The following JAM3 variants were observed in gnomAD, a reference collection of about 807,000 sequenced individuals.
The protein encoded by JAM3 is junctional adhesion molecule C.
In JAM3, 31 loss-of-function variants were observed where a neutral mutation model predicts 39.4. The ratio of observed to expected loss-of-function variants is 0.79; its 90% CI spans 0.59 to 1.06. The LOEUF (loss-of-function observed/expected upper bound fraction) is 1.06. Among genes scored for constraint, JAM3 ranks in the 50% least tolerant of loss-of-function variants. JAM3 has a pLI of 0.00. For missense variants in JAM3, 455 were observed against 391.4 expected, an observed-to-expected ratio of 1.16 and a Z score of -1.37; for synonymous variants, 182 against 148.7, an observed-to-expected ratio of 1.22 and a Z score of -1.63.
intron 1 of JAM3, 37 bp from the exon 2 acceptor site, chr11:134,139,814 T>TAC: frequency 6.5e-7 from 1 of 1,550,152 alleles, no homozygotes; most frequent in Non-Finnish European, 8.9e-7. Flanking sequence ...CCGTTTGAGA[T>TAC]ACATTGTCTC....
At chr11:134,079,554 C>T (rs1025091494) in intron 1 of JAM3, among the ~76,000 whole-genome samples, 2 of 152,064 alleles carry the variant, frequency 1.3e-5, no homozygotes, top group Admixed American at 6.6e-5. Flanking sequence ...AGCACTGTAT[C>T]GTGGGTGTTA....
intron 1 of JAM3, among the ~76,000 whole-genome samples, chr11:134,085,893 G>A (rs533640483): frequency 1.6e-4 from 25 of 152,292 alleles, no homozygotes; most frequent in African/African-American, 5.8e-4. Context: ...TTTGGAAGGG[G>A]CTGACAAGTG....
chr11:134,121,475 CCTT>C (rs997924060), intron 1 of JAM3, among the ~76,000 whole-genome samples: 14 of 151,772 alleles, frequency 9.2e-5, no homozygotes, highest in Admixed American at 2.0e-4. Flanking sequence ...CCAGCTCCCT[CCTT>C]TTTTTTTTTG....
rs71479586 is a variant in JAM3 at position 134,091,520 on chromosome 11, G to GGATAGATAGATAGATA, written c.76+22367_76+22382dup. On this transcript the variant is annotated intron_variant, in intron 1 of 8. Transcript: ENST00000299106. ...TCTCTAAATAAATAGATAGATAGAT[G>GGATAGATAGATAGATA]GATAGATAGATAGATAGATAGGCAT... Among the ~76,000 whole-genome samples, 7 of 150,838 alleles carry GGATAGATAGATAGATA rather than the reference G, an allele frequency of 4.6e-5. No individual in the cohort carries two copies. In the East Asian group the frequency reaches 9.9e-4, roughly 21 times the overall value.
intron 1 of JAM3, among the ~76,000 whole-genome samples, chr11:134,119,876 G>C (rs1478871803): frequency 4.6e-5 from 7 of 152,144 alleles, no homozygotes; most frequent in Non-Finnish European, 1.0e-4. Flanking sequence ...TCAATGGTCT[G>C]TTTTGTATAT....
rs142281577 is a variant in JAM3 at position 134,124,993 on chromosome 11, A to AC, written c.77-14852dup. Among the ~76,000 whole-genome samples, 297 of 151,964 alleles carry AC rather than the reference A, an allele frequency of 2.0e-3. 2 individuals carry two copies. The highest frequency in any genetic ancestry group is 6.6e-3 in the African/African-American group (275 of 41,454). On this transcript the variant is annotated intron_variant, in intron 1 of 8. Coordinates refer to ENST00000299106, the MANE Select transcript of JAM3 (RefSeq NM_032801.5). ...TTACCTCTGCGGCAGCGGCGACGAC[A>AC]CCCCCCAGCCTCAGCGCGCGACACC...
At position 134,077,679 on chromosome 11, in the gene JAM3, G is replaced by A. The variant is rs558555518; in HGVS notation, c.76+8520G>A. Among the ~76,000 whole-genome samples the A allele has an allele frequency of 1.9e-3, 238 of 124,092 alleles. 1 individual carries two copies. The highest frequency in any genetic ancestry group is 2.7e-3 in the Non-Finnish European group (166 of 61,618). 81.4% of individuals were successfully genotyped at this position (124,092 alleles called of 152,430 possible). A position where few individuals can be genotyped will look rare whatever the true frequency, so the allele number is the denominator to read the frequency against. The stretch of plus-strand genomic sequence containing the variant: ...TTTTTTTTTTTTTTTTTTTTGAAAC[G>A]GAGTTTTGCTCTTTCGCCCATGCTG... On this transcript the variant is annotated intron_variant, in intron 1 of 8. Coordinates refer to ENST00000299106, the MANE Select transcript of JAM3 (RefSeq NM_032801.5).
chr11:134,138,799 T>C (rs1316731152), intron 1 of JAM3, among the ~76,000 whole-genome samples: 1 of 152,244 alleles, frequency 6.6e-6, no homozygotes, highest in Non-Finnish European at 1.5e-5. Context: ...TATTGAATTA[T>C]TGTTTAGGGC....
Position 134,149,202 on chromosome 11 carries a change from G to A in JAM3, c.*21G>A, listed in dbSNP as rs376328774. 3.6e-4 allele frequency: 576 copies of A among 1,613,792 alleles called. 1 individual carries two copies. Among genetic ancestry groups the A allele is most frequent in the Non-Finnish European group, 4.1e-4 (487 of 1,179,838 alleles). The stretch of plus-strand genomic sequence containing the variant: ...TCTGAGACCCGCGGTGTGGCTGAGA[G>A]CGCACAGAGCGCACGTGCACATACC... On this transcript the variant is annotated 3_prime_UTR_variant, in exon 9 of 9. Transcript: ENST00000299106.
intron 1 of JAM3, among the ~76,000 whole-genome samples, chr11:134,127,071 C>G (rs1591797941): frequency 6.6e-6 from 1 of 152,160 alleles, no homozygotes; most frequent in Non-Finnish European, 1.5e-5. Context: ...AACAAAACAC[C>G]AAAGCGTGTA....
At chr11:134,128,730 A>T (rs965147519) in intron 1 of JAM3, among the ~76,000 whole-genome samples, 4 of 123,936 alleles carry the variant, frequency 3.2e-5, no homozygotes, top group African/African-American at 1.5e-4. Context: ...AAGTTTCCTG[A>T]GGCCTCAGCC....
At chr11:134,113,276 T>G (rs887375646) in intron 1 of JAM3, among the ~76,000 whole-genome samples, 1 of 151,946 alleles carries the variant, frequency 6.6e-6, no homozygotes, top group Non-Finnish European at 1.5e-5. Flanking sequence ...ATGTGCTGTG[T>G]TGGTGTGCTG....
At chr11:134,077,998 C>T (rs1177996385) in intron 1 of JAM3, among the ~76,000 whole-genome samples, 2 of 152,080 alleles carry the variant, frequency 1.3e-5, no homozygotes, top group African/African-American at 4.8e-5. Flanking sequence ...AGTGACAGTG[C>T]CTGTCTCTGG....
chr11:134,071,572 A>G (rs534687866), intron 1 of JAM3, among the ~76,000 whole-genome samples: 56 of 152,354 alleles, frequency 3.7e-4, no homozygotes, highest in South Asian at 8.3e-4. Context: ...AGGTTTCCAA[A>G]TCTTTGATAT....
Position 134,148,643 on chromosome 11 carries a change from G to A in JAM3, c.809G>A (p.Gly270Asp), listed in dbSNP as rs1001165065. ...TLGICCAYRR[G>D]YFINNKQDGE... Reference sequence around the variant, plus strand: ...GGCATCTGCTGTGCATACAGACGTGGCTACTTCATCAACAATAAACAGGAT... The same window carrying A: ...GGCATCTGCTGTGCATACAGACGTGACTACTTCATCAACAATAAACAGGAT... The change falls in exon 7 of 9, where the codon GGC becomes GAC. Residue 270 changes from glycine to aspartate, a missense_variant. Coordinates refer to ENST00000299106, the MANE Select transcript of JAM3 (RefSeq NM_032801.5). 1.9e-6 allele frequency: 3 copies of A among 1,613,994 alleles called. No homozygotes were observed. In the African/African-American group the frequency reaches 4.0e-5, roughly 22 times the overall value.
chr11:134,079,959 AC>A (rs1362826289), intron 1 of JAM3, among the ~76,000 whole-genome samples: 3 of 150,532 alleles, frequency 2.0e-5, no homozygotes, highest in African/African-American at 4.9e-5. Context: ...TTTATTCAGA[AC>A]CCTCGTTTTT....
At chr11:134,134,240 A>T (rs1409784735) in intron 1 of JAM3, among the ~76,000 whole-genome samples, 1 of 152,124 alleles carries the variant, frequency 6.6e-6, no homozygotes, top group Non-Finnish European at 1.5e-5. Context: ...GAAGTGGGCA[A>T]CTACAGAAGA....
intron 1 of JAM3, chr11:134,123,936 G>C (rs879229227): frequency 7.1e-7 from 1 of 1,404,640 alleles, no homozygotes; most frequent in Non-Finnish European, 1.0e-6. Context: ...TCTTTTTTGT[G>C]TTATAAACTG....
Position 134,105,552 on chromosome 11 carries a change from A to T in JAM3, c.77-34299A>T, listed in dbSNP as rs1942167730. On this transcript the variant is annotated intron_variant, in intron 1 of 8. Coordinates refer to ENST00000299106, the MANE Select transcript of JAM3 (RefSeq NM_032801.5). ...AAGGGTATTCAATTAGGAAAAGAGG[A>T]AGTCAAATTGTCCCTGTTTGTAGAT... is the stretch of plus-strand genomic sequence containing the variant. Among the ~76,000 whole-genome samples, 2 of 152,166 alleles carry T rather than the reference A, an allele frequency of 1.3e-5. 1 individual carries two copies. Among genetic ancestry groups the T allele is most frequent in the Admixed American group, 1.3e-4 (2 of 15,272 alleles).
Sources: gnomAD v4.1 joint callset for allele counts (sites outside exome capture counted in the v4.1 genomes callset) on GRCh38, gnomAD v4.1.1 for gene constraint, MANE v1.5 for transcripts, NCBI Gene and HGNC (gene_info 2026-07-23, HGNC 2026-07-21) for gene names.